KIAA1328: variants seen among roughly 807,000 people sequenced by gnomAD.
KIAA1328 encodes KIAA1328.
KIAA1328 carries 52 observed loss-of-function variants against 68.1 expected under a neutral mutation model. The ratio of observed to expected loss-of-function variants is 0.76; its 90% CI spans 0.61 to 0.96. The LOEUF (loss-of-function observed/expected upper bound fraction) is 0.96. Ranked by LOEUF, KIAA1328 falls within the 40% of genes least tolerant of loss-of-function variation. The probability of loss-of-function intolerance (pLI) is 0.00; values close to 1 mark genes in which losing one functional copy is unlikely to be tolerated. For synonymous variants in KIAA1328, 232 were observed against 239.4 expected (o/e 0.97, Z 0.28); for missense variants, 641 against 677.6 (o/e 0.95, Z 0.60).
chr18:37,041,014 T>C (rs2055223197), intron 6 of KIAA1328, among the ~76,000 whole-genome samples: 1 of 151,902 alleles, frequency 6.6e-6, no homozygotes, highest in Non-Finnish European at 1.5e-5. Flanking sequence ...TTAAAAATAA[T>C]GTGTATTCTG....
chr18:37,077,569 T>C (rs1031937153), intron 7 of KIAA1328, among the ~76,000 whole-genome samples: 15 of 152,044 alleles, frequency 9.9e-5, no homozygotes, highest in Non-Finnish European at 2.2e-4. Flanking sequence ...GAAATGATTG[T>C]ATATTTAGAA....
intron 6 of KIAA1328, among the ~76,000 whole-genome samples, chr18:36,993,466 A>G (rs2053269251): frequency 1.3e-5 from 2 of 152,238 alleles, no homozygotes; most frequent in Non-Finnish European, 2.9e-5. Context: ...TAAATGGTAT[A>G]GCTATTAAAA....
intron 4 of KIAA1328, among the ~76,000 whole-genome samples, chr18:36,864,590 A>G (rs1381414775): frequency 9.0e-6 from 1 of 110,930 alleles, no homozygotes; most frequent in African/African-American, 3.7e-5. Flanking sequence ...CAAAGTGGTC[A>G]GTAGTTTTTT....
intron 6 of KIAA1328, among the ~76,000 whole-genome samples, chr18:37,047,536 C>T (rs933931534): frequency 2.6e-5 from 4 of 152,294 alleles, no homozygotes; most frequent in East Asian, 1.9e-4. Flanking sequence ...TATTTATTTT[C>T]ATCATCCCTG....
chr18:37,003,100 T>G (rs1188830453), intron 6 of KIAA1328, among the ~76,000 whole-genome samples: 2 of 151,996 alleles, frequency 1.3e-5, no homozygotes, highest in African/African-American at 2.4e-5. Context: ...GGAAAAAACA[T>G]TCTCTTCAAA....
At chr18:36,899,694 G>C (rs974439223) in intron 5 of KIAA1328, among the ~76,000 whole-genome samples, 2 of 151,898 alleles carry the variant, frequency 1.3e-5, no homozygotes, top group Admixed American at 6.6e-5. Flanking sequence ...TGACTGCTAG[G>C]AAAGAATGAA....
chr18:36,933,040 A>G (rs1289945451), intron 5 of KIAA1328, among the ~76,000 whole-genome samples: 2 of 152,094 alleles, frequency 1.3e-5, no homozygotes, highest in Admixed American at 1.3e-4. Context: ...TTTTTGCCAA[A>G]TACCTTGTCA....
At chr18:37,043,788 C>T (rs149874361) in intron 6 of KIAA1328, among the ~76,000 whole-genome samples, 1 of 152,296 alleles carries the variant, frequency 6.6e-6, no homozygotes, top group Non-Finnish European at 1.5e-5. Context: ...CAGACTTGAG[C>T]ATGTATTCCT....
chr18:37,102,392 A>C (rs541260382), intron 7 of KIAA1328, among the ~76,000 whole-genome samples: 7 of 152,290 alleles, frequency 4.6e-5, no homozygotes, highest in Non-Finnish European at 7.3e-5. Context: ...TTTGTAACAA[A>C]CCTGCACATC....
chr18:36,879,824 C>T (rs1026495855), intron 4 of KIAA1328, among the ~76,000 whole-genome samples: 6 of 152,196 alleles, frequency 3.9e-5, no homozygotes, highest in South Asian at 2.1e-4. Flanking sequence ...GCTTTGTTTA[C>T]ACTCTGAGGA....
intron 7 of KIAA1328, among the ~76,000 whole-genome samples, chr18:37,147,424 T>G: frequency 6.6e-6 from 1 of 152,212 alleles, no homozygotes; most frequent in East Asian, 1.9e-4. Context: ...CTGAATATTA[T>G]GTATGAAACA....
intron 5 of KIAA1328, among the ~76,000 whole-genome samples, chr18:36,890,190 A>C (rs918730370): frequency 6.6e-6 from 1 of 151,738 alleles, no homozygotes; most frequent in African/African-American, 2.4e-5. Flanking sequence ...TCAAAGAAAG[A>C]ATTTTAAAGG....
intron 5 of KIAA1328, among the ~76,000 whole-genome samples, chr18:36,900,899 A>G (rs1425295245): frequency 6.6e-6 from 1 of 152,006 alleles, no homozygotes; most frequent in Admixed American, 6.6e-5. Context: ...AAAAATCCAC[A>G]CTTTTAGATA....
intron 6 of KIAA1328, among the ~76,000 whole-genome samples, chr18:36,971,700 A>G (rs2052222089): frequency 6.6e-6 from 1 of 152,200 alleles, no homozygotes; most frequent in African/African-American, 2.4e-5. Context: ...AAAAAGAACG[A>G]GATCATGTTC....
At chr18:37,116,436 G>A (rs1427474399) in intron 7 of KIAA1328, among the ~76,000 whole-genome samples, 1 of 152,072 alleles carries the variant, frequency 6.6e-6, no homozygotes, top group African/African-American at 2.4e-5. Context: ...AATAAATGGT[G>A]CTGGGAAAAC....
chr18:37,157,785 G>A (rs972883831), intron 7 of KIAA1328, among the ~76,000 whole-genome samples: 3 of 126,432 alleles, frequency 2.4e-5, no homozygotes, highest in East Asian at 2.2e-4. Flanking sequence ...TCCAGCCCGG[G>A]CAACAGAGTG....
chr18:37,040,271 G>A (rs759775365), intron 6 of KIAA1328, among the ~76,000 whole-genome samples: 7 of 152,118 alleles, frequency 4.6e-5, no homozygotes, highest in Non-Finnish European at 8.8e-5. Flanking sequence ...GACTACTTAC[G>A]AGTCTATTCA....
chr18:37,097,190 G>A (rs1416230190), intron 7 of KIAA1328, among the ~76,000 whole-genome samples: 2 of 152,080 alleles, frequency 1.3e-5, no homozygotes, highest in Non-Finnish European at 2.9e-5. Flanking sequence ...TTTCTTCTAG[G>A]GTTCTTCTGG....
At chr18:37,008,761 A>G (rs1266932872) in intron 6 of KIAA1328, among the ~76,000 whole-genome samples, 3 of 152,208 alleles carry the variant, frequency 2.0e-5, no homozygotes. Flanking sequence ...CCCATAATGA[A>G]AAAATTCAGT....
Sources: allele counts gnomAD v4.1 joint callset (sites outside exome capture counted in the v4.1 genomes callset), GRCh38; gene constraint gnomAD v4.1.1; transcripts MANE v1.5; gene names NCBI Gene and HGNC (gene_info 2026-07-23, HGNC 2026-07-21).